The following PCDH15 variants were observed in gnomAD, a reference collection of about 807,000 sequenced individuals.
PCDH15 encodes protocadherin-15.
A neutral mutation model predicts 178.5 loss-of-function variants in PCDH15; 129 were observed. That is an observed-to-expected ratio of 0.72 (90% CI 0.63 to 0.84). PCDH15 has a LOEUF of 0.84. Ranked by LOEUF, PCDH15 falls within the 40% of genes least tolerant of loss-of-function variation. PCDH15 has a pLI of 0.00. For synonymous variants in PCDH15, 800 were observed against 732.0 expected, an observed-to-expected ratio of 1.09 and a Z score of -1.50; for missense variants, 2,230 against 2,099.9, an observed-to-expected ratio of 1.06 and a Z score of -1.21.
At chr10:54,365,969 G>A (rs571573813) in intron 5 of PCDH15, among the ~76,000 whole-genome samples, 61 of 152,044 alleles carry the variant, frequency 4.0e-4, no homozygotes, top group Non-Finnish European at 7.8e-4. Flanking sequence ...TTGTGATTAT[G>A]ATATAATACC....
chr10:54,357,767 T>TACAAG (rs1945274502), intron 5 of PCDH15, among the ~76,000 whole-genome samples: 1 of 152,120 alleles, frequency 6.6e-6, no homozygotes, highest in Admixed American at 6.5e-5. Flanking sequence ...CAAAGTATAC[T>TACAAG]ACAAGGCTAC....
chr10:55,069,543 T>C (rs1233001525), intron 2 of PCDH15, among the ~76,000 whole-genome samples: 4 of 141,626 alleles, frequency 2.8e-5, no homozygotes, highest in Middle Eastern at 3.4e-3. Context: ...TTTTTTGTTC[T>C]TGCGATAGTT....
intron 21 of PCDH15, among the ~76,000 whole-genome samples, chr10:53,992,483 C>T (rs2091588991): frequency 6.6e-6 from 1 of 152,152 alleles, no homozygotes; most frequent in Non-Finnish European, 1.5e-5. Context: ...AATAATGCTT[C>T]ACTTGTTGGA....
At chr10:54,301,194 CACTGGAAGGA>C (rs527992547) in intron 8 of PCDH15, among the ~76,000 whole-genome samples, 41 of 152,284 alleles carry the variant, frequency 2.7e-4, no homozygotes, top group African/African-American at 8.9e-4. Context: ...ACCAAGAACC[CACTGGAAGGA>C]ACAAATTCTG....
chr10:54,783,089 A>C (rs1950526451), intron 1 of PCDH15, among the ~76,000 whole-genome samples: 1 of 152,182 alleles, frequency 6.6e-6, no homozygotes, highest in African/African-American at 2.4e-5. Flanking sequence ...AGGAAACGTG[A>C]CACTTTCAAA....
intron 2 of PCDH15, among the ~76,000 whole-genome samples, chr10:55,508,441 GAAAT>G (rs1019171104): frequency 5.3e-5 from 8 of 151,772 alleles, no homozygotes; most frequent in Non-Finnish European, 8.8e-5. Context: ...CAGTGAAACT[GAAAT>G]AAAAAGTTTC....
intron 15 of PCDH15, among the ~76,000 whole-genome samples, chr10:54,115,794 T>C (rs769446336): frequency 2.0e-5 from 3 of 152,266 alleles, no homozygotes; most frequent in Non-Finnish European, 4.4e-5. Context: ...AAAGTCTGCT[T>C]CCCAGAAAAC....
chr10:54,942,233 C>T (rs1838081509), intron 2 of PCDH15, among the ~76,000 whole-genome samples: 1 of 151,952 alleles, frequency 6.6e-6, no homozygotes, highest in African/African-American at 2.4e-5. Flanking sequence ...CTTCTTGGGT[C>T]AAACCTCTGT....
intron 1 of PCDH15, among the ~76,000 whole-genome samples, chr10:55,244,130 C>G (rs998067144): frequency 1.3e-5 from 2 of 151,818 alleles, no homozygotes; most frequent in African/African-American, 4.8e-5. Flanking sequence ...TGATCTGGAC[C>G]AAAATGGAAT....
intron 2 of PCDH15, among the ~76,000 whole-genome samples, chr10:55,360,545 GGGA>G: frequency 6.6e-6 from 1 of 151,978 alleles, no homozygotes; most frequent in Admixed American, 6.6e-5. Flanking sequence ...TAGAGAATTG[GGGA>G]ATTTGAGCCT....
intron 1 of PCDH15, among the ~76,000 whole-genome samples, chr10:55,177,735 G>A (rs1318368637): frequency 6.6e-6 from 1 of 152,140 alleles, no homozygotes; most frequent in East Asian, 1.9e-4. Context: ...TCAAAACTCA[G>A]CCACCTTCCT....
At chr10:54,441,258 G>C (rs1466146355) in intron 3 of PCDH15, among the ~76,000 whole-genome samples, 1 of 151,838 alleles carries the variant, frequency 6.6e-6, no homozygotes, top group Non-Finnish European at 1.5e-5. Flanking sequence ...TTTTAAAAAG[G>C]TGTTTTTATT....
At chr10:55,320,583 C>T (rs1177094089), upstream of PCDH15, among the ~76,000 whole-genome samples, 1 of 152,168 alleles carries the variant, frequency 6.6e-6, no homozygotes, top group Non-Finnish European at 1.5e-5. Flanking sequence ...AACCTTGGCC[C>T]TTCCAGTGCA....
At chr10:54,656,648 C>A (rs1384157485) in intron 2 of PCDH15, among the ~76,000 whole-genome samples, 1 of 152,156 alleles carries the variant, frequency 6.6e-6, no homozygotes, top group Non-Finnish European at 1.5e-5. Context: ...ATAACCTGCT[C>A]TGACATCCAC....
chr10:54,580,469 C>G (rs1208731303), intron 2 of PCDH15, among the ~76,000 whole-genome samples: 2 of 151,832 alleles, frequency 1.3e-5, no homozygotes, highest in Non-Finnish European at 2.9e-5. Context: ...TATGAATCAA[C>G]TAATGTCCCT....
At chr10:53,996,837 T>C (rs1454873098) in intron 20 of PCDH15, among the ~76,000 whole-genome samples, 1 of 152,150 alleles carries the variant, frequency 6.6e-6, no homozygotes, top group African/African-American at 2.4e-5. Context: ...GAAACCTAAA[T>C]TTGTTAATTA....
Position 54,277,758 on chromosome 10 carries a change from G to A in PCDH15, c.876+39513C>T, listed in dbSNP as rs79125375. On this transcript the variant is annotated intron_variant, in intron 8 of 37. Coordinates refer to ENST00000644397, the MANE Select transcript of PCDH15 (RefSeq NM_001384140.1). ...ATAAGGGAACATGAAGTCAGAGAAG[G>A]GGGCAAAACACTAGTCATTTTAAAA... Among the ~76,000 whole-genome samples the A allele has an allele frequency of 9.3e-3, 1,416 of 151,616 alleles. 26 individuals carry two copies. The highest frequency in any genetic ancestry group is 0.032 in the African/African-American group (1,319 of 41,464).
chr10:54,235,746 C>G (rs1320326544), intron 9 of PCDH15, among the ~76,000 whole-genome samples: 1 of 152,150 alleles, frequency 6.6e-6, no homozygotes, highest in Non-Finnish European at 1.5e-5. Flanking sequence ...GTGTTTTTAG[C>G]ATCTAATAAG....
chr10:55,251,863 C>T (rs1841846979), intron 1 of PCDH15, among the ~76,000 whole-genome samples: 2 of 151,966 alleles, frequency 1.3e-5, no homozygotes, highest in Admixed American at 6.6e-5. Flanking sequence ...AGGACAGATC[C>T]GCTAATTGAG....
Sources: allele counts gnomAD v4.1 joint callset (sites outside exome capture counted in the v4.1 genomes callset), GRCh38; gene constraint gnomAD v4.1.1; transcripts MANE v1.5; gene names NCBI Gene and HGNC (gene_info 2026-07-23, HGNC 2026-07-21).